TNR: variants seen among roughly 807,000 people sequenced by gnomAD.
The protein encoded by TNR is tenascin R.
In TNR, 45 loss-of-function variants were observed where a neutral mutation model predicts 150.4. That is an observed-to-expected ratio of 0.30 (90% CI 0.24 to 0.38). The LOEUF (loss-of-function observed/expected upper bound fraction) is 0.38. Among genes scored for constraint, TNR ranks in the 10% least tolerant of loss-of-function variants. TNR has a pLI of 1.00. For synonymous variants in TNR, 687 were observed against 678.4 expected (o/e 1.01, Z -0.20); for missense variants, 1,544 against 1,759.1 (o/e 0.88, Z 2.19).
rs776936256 is a variant in TNR, at chr1:175,696,228, T to TG, written c.-165+46997_-165+46998insC. 9.6e-4 allele frequency among the ~76,000 whole-genome samples: 116 copies of TG among 120,922 alleles called. 2 individuals are homozygous for TG. The highest frequency in any genetic ancestry group is 3.0e-3 in the East Asian group (9 of 2,970). 79.3% of individuals were successfully genotyped at this position (120,922 alleles called of 152,430 possible). ...TGAGCCTTCCTGTAGTTTTTTTTTT[T>TG]TTTTTTTTTTTTTTTTCCAAAATTT... On this transcript the variant is annotated intron_variant, in intron 1 of 22. Coordinates refer to ENST00000367674, the MANE Select transcript of TNR (RefSeq NM_003285.3).
intron 2 of TNR, among the ~76,000 whole-genome samples, chr1:175,488,343 G>A (rs549659315): frequency 2.0e-5 from 3 of 152,294 alleles, no homozygotes; most frequent in Admixed American, 1.3e-4. Flanking sequence ...AAAGTTAGGT[G>A]GGAAGGGAAG....
intron 2 of TNR, among the ~76,000 whole-genome samples, chr1:175,475,312 T>C (rs939089681): frequency 2.0e-5 from 3 of 152,216 alleles, no homozygotes; most frequent in Non-Finnish European, 4.4e-5. Flanking sequence ...GATGGCACCT[T>C]TCTGCTTATG....
chr1:175,499,467 G>A (rs859390), intron 2 of TNR, among the ~76,000 whole-genome samples: 3,671 of 152,134 alleles, frequency 0.024, 141 homozygotes, highest in African/African-American at 0.084. Flanking sequence ...CGTACCTCTG[G>A]CTCAACTTAA....
intron 1 of TNR, among the ~76,000 whole-genome samples, chr1:175,555,319 A>T (rs1465148205): frequency 6.6e-6 from 1 of 152,058 alleles, no homozygotes; most frequent in Non-Finnish European, 1.5e-5. Context: ...AACTCCAGTT[A>T]CTCCTTTAGA....
At chr1:175,367,426 A>G in intron 9 of TNR, 129 bp from the exon 10 acceptor site, 1 of 761,366 alleles carries the variant, frequency 1.3e-6, no homozygotes, top group Non-Finnish European at 2.2e-6. Context: ...ATCCTCTCCT[A>G]ATTTGAACTA....
At chr1:175,713,027 A>C (rs1236947508) in intron 1 of TNR, among the ~76,000 whole-genome samples, 1 of 152,126 alleles carries the variant, frequency 6.6e-6, no homozygotes, top group African/African-American at 2.4e-5. Flanking sequence ...GCACAGGAGA[A>C]GAGTCAGGAC....
At chr1:175,656,227 C>T (rs913106457) in intron 1 of TNR, among the ~76,000 whole-genome samples, 1 of 150,386 alleles carries the variant, frequency 6.6e-6, no homozygotes, top group Non-Finnish European at 1.5e-5. Flanking sequence ...CCCCAAGCAT[C>T]CATCAGTTTG....
intron 1 of TNR, among the ~76,000 whole-genome samples, chr1:175,657,471 G>A (rs574755084): frequency 1.4e-4 from 21 of 152,140 alleles, no homozygotes; most frequent in East Asian, 7.7e-4. Flanking sequence ...ACATGCACAC[G>A]TATGTTTATT....
intron 11 of TNR, 63 bp downstream of exon 11, chr1:175,365,812 G>A (rs1571343347): frequency 6.4e-7 from 1 of 1,562,230 alleles, no homozygotes; most frequent in East Asian, 2.3e-5. Context: ...TTGCCTGAAT[G>A]AATTTCTCAC....
At chr1:175,651,318 G>T (rs1310101026) in intron 1 of TNR, among the ~76,000 whole-genome samples, 1 of 151,762 alleles carries the variant, frequency 6.6e-6, no homozygotes, top group Non-Finnish European at 1.5e-5. Flanking sequence ...CCCAGGCAGA[G>T]GGTTCAGCAT....
At chr1:175,672,378 A>T (rs1011769109) in intron 1 of TNR, among the ~76,000 whole-genome samples, 8 of 152,206 alleles carry the variant, frequency 5.3e-5, no homozygotes, top group African/African-American at 1.9e-4. Context: ...ATGAGCTGGG[A>T]CAACTCAGGG....
intron 1 of TNR, among the ~76,000 whole-genome samples, chr1:175,620,670 T>C (rs1371758336): frequency 6.6e-6 from 1 of 152,160 alleles, no homozygotes; most frequent in Admixed American, 6.5e-5. Flanking sequence ...ACTGAGGACC[T>C]AGGATGCGCT....
intron 14 of TNR, 78 bp downstream of exon 14, chr1:175,362,585 C>T: frequency 6.4e-7 from 1 of 1,557,842 alleles, no homozygotes; most frequent in Non-Finnish European, 8.7e-7. Context: ...GCCTCCAGAA[C>T]CTTTCTACAA....
chr1:175,685,844 C>A (rs1432057005), intron 1 of TNR, among the ~76,000 whole-genome samples: 5 of 129,796 alleles, frequency 3.9e-5, no homozygotes, highest in Admixed American at 1.8e-4. Context: ...CTCAAACAAA[C>A]CATTAGCTGT....
chr1:175,559,541 G>A (rs768166706), intron 1 of TNR, among the ~76,000 whole-genome samples: 5 of 151,874 alleles, frequency 3.3e-5, no homozygotes, highest in Admixed American at 6.6e-5. Context: ...TCACTCCCAC[G>A]AATTTCTTTA....
At chr1:175,497,488 G>A (rs1053209765) in intron 2 of TNR, among the ~76,000 whole-genome samples, 4 of 152,196 alleles carry the variant, frequency 2.6e-5, no homozygotes, top group Admixed American at 6.5e-5. Flanking sequence ...TGGATAAACC[G>A]ATATCTGCTT....
chr1:175,503,587 G>T lies in TNR; in HGVS notation c.-64+24682C>A, dbSNP rs113880082. 4.2e-4 allele frequency among the ~76,000 whole-genome samples: 64 copies of T among 152,230 alleles called. 1 individual carries two copies. The highest frequency in any genetic ancestry group is 1.5e-3 in the African/African-American group (62 of 41,544). On this transcript the variant is annotated intron_variant, in intron 2 of 22. Coordinates refer to ENST00000367674, the MANE Select transcript of TNR (RefSeq NM_003285.3). The stretch of plus-strand genomic sequence containing the variant: ...GCTGCACGATTAGGTATTTCACAAG[G>T]TACCTTGGGCCCCGGGCAGGCAGGT...
chr1:175,722,448 C>A (rs527478414), intron 1 of TNR, among the ~76,000 whole-genome samples: 1 of 152,102 alleles, frequency 6.6e-6, no homozygotes, highest in Non-Finnish European at 1.5e-5. Flanking sequence ...ATTCTTCTAC[C>A]ATGCTCTATT....
chr1:175,698,014 T>A (rs1187247333), intron 1 of TNR, among the ~76,000 whole-genome samples: 2 of 152,228 alleles, frequency 1.3e-5, no homozygotes, highest in African/African-American at 4.8e-5. Flanking sequence ...ACTAAAATAT[T>A]TCCCCTGAGA....
Sources: gnomAD v4.1 joint callset for allele counts (sites outside exome capture counted in the v4.1 genomes callset) on GRCh38, gnomAD v4.1.1 for gene constraint, MANE v1.5 for transcripts, NCBI Gene and HGNC (gene_info 2026-07-23, HGNC 2026-07-21) for gene names.